The following PEX14 variants were observed in gnomAD, a reference collection of about 807,000 sequenced individuals.
PEX14 encodes the protein peroxisomal membrane protein PEX14.
A neutral mutation model predicts 49.5 loss-of-function variants in PEX14; 15 were observed. That is an observed-to-expected ratio of 0.30 (90% CI 0.20 to 0.47). PEX14 has a LOEUF of 0.47. PEX14 is among the 20% of genes least tolerant of loss of function. The pLI, the probability that PEX14 is intolerant of heterozygous loss-of-function variation, is 1.00. For synonymous variants in PEX14, 210 were observed against 212.7 expected (o/e 0.99, Z 0.11); for missense variants, 398 against 494.8 (o/e 0.80, Z 1.86).
chr1:10,617,871 C>T (rs1468266810), intron 4 of PEX14, among the ~76,000 whole-genome samples: 1 of 152,174 alleles, frequency 6.6e-6, no homozygotes, highest in African/African-American at 2.4e-5. Flanking sequence ...CGGTCCCCCT[C>T]TCCACTTCGC....
chr1:10,523,845 A>C (rs1294656695), intron 2 of PEX14, among the ~76,000 whole-genome samples: 1 of 150,574 alleles, frequency 6.6e-6, no homozygotes, highest in African/African-American at 2.4e-5. Context: ...AAAAAAAAAA[A>C]AATCCAAGAG....
chr1:10,532,861 A>T (rs1638689467), intron 2 of PEX14, among the ~76,000 whole-genome samples: 1 of 152,222 alleles, frequency 6.6e-6, no homozygotes, highest in Admixed American at 6.5e-5. Context: ...GAATTGCTTC[A>T]TGAAATTAAT....
chr1:10,612,875 T>C (rs1641310557), intron 4 of PEX14, among the ~76,000 whole-genome samples: 1 of 152,234 alleles, frequency 6.6e-6, no homozygotes, highest in Non-Finnish European at 1.5e-5. Context: ...GACACTGCTG[T>C]ATAGAGACAT....
intron 4 of PEX14, among the ~76,000 whole-genome samples, chr1:10,615,090 A>G (rs867685404): frequency 2.6e-5 from 4 of 152,274 alleles, no homozygotes; most frequent in Non-Finnish European, 4.4e-5. Context: ...TTCCCATGGC[A>G]GTTTCTTAGA....
At chr1:10,576,229 A>G (rs1242920785) in intron 3 of PEX14, among the ~76,000 whole-genome samples, 1 of 152,058 alleles carries the variant, frequency 6.6e-6, no homozygotes, top group Non-Finnish European at 1.5e-5. Flanking sequence ...AGATCTACCA[A>G]TCTTCTGATA....
chr1:10,568,261 T>A (rs1639867089), intron 3 of PEX14, among the ~76,000 whole-genome samples: 2 of 151,846 alleles, frequency 1.3e-5, no homozygotes, highest in Admixed American at 1.3e-4. Context: ...CTTTTATATC[T>A]TTTTAATAAA....
chr1:10,580,210 G>A (rs1252433383), intron 3 of PEX14, among the ~76,000 whole-genome samples: 3 of 152,082 alleles, frequency 2.0e-5, no homozygotes, highest in Admixed American at 6.6e-5. Flanking sequence ...CAGAAGGGGT[G>A]TAAATGGAAT....
At chr1:10,485,900 C>T (rs1039976503) in intron 1 of PEX14, among the ~76,000 whole-genome samples, 33 of 149,514 alleles carry the variant, frequency 2.2e-4, no homozygotes, top group African/African-American at 5.6e-4. Flanking sequence ...AGATTGCAGA[C>T]GCCCGCCACC....
intron 3 of PEX14, 177 bp downstream of exon 3, chr1:10,536,474 A>G (rs908292319): frequency 6.3e-6 from 4 of 631,070 alleles, no homozygotes; most frequent in African/African-American, 5.5e-5. Context: ...TTTCCTGACA[A>G]TGGAGCGGCA....
At position 10,628,493 on chromosome 1, in the gene PEX14, G is replaced by A. The variant is rs970752174; in HGVS notation, c.678-1038G>A. 2.6e-5 allele frequency among the ~76,000 whole-genome samples: 4 copies of A among 152,238 alleles called. No individual in the cohort carries two copies. The highest frequency in any genetic ancestry group is 9.6e-5 in the African/African-American group (4 of 41,462). Reference sequence around the variant, plus strand: ...CATTTTCCAAGCCACCCAACTTCCCGGTTTTCCCTGAGGAAAAGAACATGT... The same window carrying A: ...CATTTTCCAAGCCACCCAACTTCCCAGTTTTCCCTGAGGAAAAGAACATGT... On this transcript the variant is annotated intron_variant, in intron 8 of 8. Coordinates refer to ENST00000356607, the MANE Select transcript of PEX14 (RefSeq NM_004565.3). This position sits in a 1 kb window ranked among gnomAD's most constrained non-coding sequence, Gnocchi z 4.5.
Position 10,565,685 on chromosome 1 carries a change from C to A in PEX14, c.169+29388C>A, listed in dbSNP as rs566157128. Among the ~76,000 whole-genome samples, 7 of 152,226 alleles carry A rather than the reference C, an allele frequency of 4.6e-5. No homozygotes were observed. The East Asian group carries it at 1.3e-3, about 29-fold the overall frequency. ...TAAAATGGATTTATAATTTTATATT[C>A]TCAACTTTGGATCTTAAGCTCTAGC... On this transcript the variant is annotated intron_variant, in intron 3 of 8. Coordinates refer to ENST00000356607, the MANE Select transcript of PEX14 (RefSeq NM_004565.3).
chr1:10,600,795 C>T (rs1355541580), intron 4 of PEX14, among the ~76,000 whole-genome samples: 1 of 152,164 alleles, frequency 6.6e-6, no homozygotes, highest in Non-Finnish European at 1.5e-5. Flanking sequence ...AATTGTTATT[C>T]TCAGAAGTTT....
Position 10,512,689 on chromosome 1 carries a change from C to T in PEX14, c.84+17368C>T, listed in dbSNP as rs1641905291. On this transcript the variant is annotated intron_variant, in intron 2 of 8. Coordinates refer to ENST00000356607, the MANE Select transcript of PEX14 (RefSeq NM_004565.3). This position sits in a 1 kb window ranked among gnomAD's most constrained non-coding sequence, Gnocchi z 4.6. ...AAATGAAATGCTCCCTGTTCTTTTC[C>T]TTCTTTTTTTTTTTAACTTTTATTT... 6.6e-6 allele frequency among the ~76,000 whole-genome samples: 1 copy of T among 151,652 alleles called. No individual in the cohort carries two copies. Among genetic ancestry groups the T allele is most frequent in the Non-Finnish European group, 1.5e-5 (1 of 67,900 alleles).
At chr1:10,577,533 T>TAC (rs1640159558) in intron 3 of PEX14, among the ~76,000 whole-genome samples, 2 of 1,356 alleles carry the variant, frequency 1.5e-3, no homozygotes, top group Admixed American at 0.013. Context: ...ACTATACATA[T>TAC]ATATATATAT....
At chr1:10,576,792 G>A (rs1272491290) in intron 3 of PEX14, among the ~76,000 whole-genome samples, 1 of 142,882 alleles carries the variant, frequency 7.0e-6, no homozygotes, top group African/African-American at 2.6e-5. Context: ...AATTTTGCTC[G>A]TATCGCCCAA....
intron 5 of PEX14, among the ~76,000 whole-genome samples, chr1:10,622,619 C>T (rs1422548184): frequency 1.3e-5 from 2 of 152,228 alleles, no homozygotes; most frequent in East Asian, 1.9e-4. Flanking sequence ...CCGCCTCCCT[C>T]GCCTCCTGGA....
chr1:10,527,204 T>C (rs1638510863), intron 2 of PEX14, among the ~76,000 whole-genome samples: 1 of 114,166 alleles, frequency 8.8e-6, no homozygotes, highest in African/African-American at 3.0e-5. Flanking sequence ...AGAGTGAGAC[T>C]CTGTCTCAAA....
At chr1:10,506,662 C>T (rs1488081935) in intron 2 of PEX14, among the ~76,000 whole-genome samples, 1 of 152,260 alleles carries the variant, frequency 6.6e-6, no homozygotes, top group East Asian at 1.9e-4. Flanking sequence ...TTGCTAAAAA[C>T]ATTGCTGTCA....
At chr1:10,574,164 G>A (rs1174095899) in intron 3 of PEX14, among the ~76,000 whole-genome samples, 1 of 152,038 alleles carries the variant, frequency 6.6e-6, no homozygotes, top group East Asian at 1.9e-4. Context: ...AAAAGTGGGT[G>A]GTTTATGAAA....
Sources: gnomAD v4.1 joint callset for allele counts (sites outside exome capture counted in the v4.1 genomes callset) on GRCh38, gnomAD v4.1.1 for gene constraint, Gnocchi (gnomAD v3.1) non-coding constraint, MANE v1.5 for transcripts, NCBI Gene and HGNC (gene_info 2026-07-23, HGNC 2026-07-21) for gene names.